Variants in PRIM2 observed in about 807,000 individuals in gnomAD.
The protein encoded by PRIM2 is DNA primase large subunit.
PRIM2 carries 39 observed loss-of-function variants against 67.3 expected under a neutral mutation model. The observed-to-expected ratio is 0.58, with a 90% confidence interval of 0.45 to 0.76. The LOEUF is 0.76. Ranked by LOEUF, PRIM2 falls within the 30% of genes least tolerant of loss-of-function variation. The pLI is 0.00. For missense variants in PRIM2, 398 were observed against 598.7 expected (o/e 0.66, Z 3.50); for synonymous variants, 143 against 198.7 (o/e 0.72, Z 2.36).
At chr6:57,645,583 G>C (rs1340935828) in intron 13 of PRIM2, among the ~76,000 whole-genome samples, 4 of 150,904 alleles carry the variant, frequency 2.7e-5, no homozygotes, top group African/African-American at 4.9e-5. Context: ...AGCAAAGGAT[G>C]GGGAGAGGGG....
the PRIM2 span, among the ~76,000 whole-genome samples, chr6:57,269,555 A>G: frequency 1.3e-5 from 2 of 152,166 alleles, no homozygotes; most frequent in Admixed American, 6.5e-5. Flanking sequence ...AGTAGATTGC[A>G]AAAATTTTCT....
the PRIM2 span, among the ~76,000 whole-genome samples, chr6:57,264,362 G>A: frequency 9.7e-4 from 147 of 152,090 alleles, 3 homozygotes; most frequent in Middle Eastern, 3.4e-3. Flanking sequence ...GGTTGTCGTC[G>A]GGGGAGTGGT....
the PRIM2 span, among the ~76,000 whole-genome samples, chr6:57,308,322 C>T: frequency 6.6e-6 from 1 of 151,962 alleles, no homozygotes; most frequent in Non-Finnish European, 1.5e-5. Context: ...AGGGTTTCAC[C>T]GTGTTGCTCA....
intron 7 of PRIM2, among the ~76,000 whole-genome samples, chr6:57,432,960 C>G (rs1484081644): frequency 6.6e-6 from 1 of 152,200 alleles, no homozygotes; most frequent in East Asian, 1.9e-4. Context: ...TTTCTAAATT[C>G]TACCATTAGT....
chr6:57,611,551 A>G (rs1319809437), intron 12 of PRIM2, among the ~76,000 whole-genome samples: 1 of 152,200 alleles, frequency 6.6e-6, no homozygotes, highest in Non-Finnish European at 1.5e-5. Context: ...GAACAAGTCC[A>G]GAGTTCTAGA....
chr6:57,339,104 A>C (rs966313880), intron 5 of PRIM2, among the ~76,000 whole-genome samples: 1 of 151,916 alleles, frequency 6.6e-6, no homozygotes, highest in African/African-American at 2.4e-5. Context: ...TCCCATTCAC[A>C]ATTGCTTCAA....
intron 8 of PRIM2, among the ~76,000 whole-genome samples, chr6:57,518,788 T>C: frequency 6.6e-6 from 1 of 152,330 alleles, no homozygotes; most frequent in Non-Finnish European, 1.5e-5. Context: ...ATAGGACTCT[T>C]CTTTATGCAA....
At chr6:57,324,944 T>C (rs1303744225) in intron 4 of PRIM2, among the ~76,000 whole-genome samples, 1 of 152,186 alleles carries the variant, frequency 6.6e-6, no homozygotes, top group Non-Finnish European at 1.5e-5. Context: ...AAAGCATATG[T>C]AGTTTGTGAA....
At chr6:57,638,501 G>T (rs1270253472) in intron 13 of PRIM2, among the ~76,000 whole-genome samples, 13 of 138,230 alleles carry the variant, frequency 9.4e-5, no homozygotes, top group African/African-American at 3.0e-4. Context: ...GTATTCAGGA[G>T]ACCATTTCAC....
intron 7 of PRIM2, among the ~76,000 whole-genome samples, chr6:57,451,011 T>C (rs1772525559): frequency 6.6e-6 from 1 of 152,214 alleles, no homozygotes; most frequent in Non-Finnish European, 1.5e-5. Context: ...GCCTTATTTC[T>C]CTATTTTCCT....
chr6:57,576,177 C>T (rs1292666270), intron 10 of PRIM2, among the ~76,000 whole-genome samples: 9 of 152,158 alleles, frequency 5.9e-5, no homozygotes, highest in African/African-American at 1.9e-4. Context: ...TGATAATATA[C>T]TGTTGATATT....
chr6:57,549,079 A>G (rs1377773096), intron 10 of PRIM2, among the ~76,000 whole-genome samples: 12 of 152,318 alleles, frequency 7.9e-5, no homozygotes, highest in African/African-American at 2.9e-4. Flanking sequence ...TTTACTAATG[A>G]AAAAACAGTA....
chr6:57,303,836 T>C, the PRIM2 span, among the ~76,000 whole-genome samples: 2 of 152,190 alleles, frequency 1.3e-5, no homozygotes, highest in Non-Finnish European at 2.9e-5. Flanking sequence ...GGTTTCACCA[T>C]GGTGGCCAGG....
rs1774275606 is a variant in PRIM2, at chr6:57,507,552, C to T, written c.761+98C>T. On this transcript the variant is annotated intron_variant, in intron 8 of 13. Coordinates refer to ENST00000615550, the MANE Select transcript of PRIM2 (RefSeq NM_000947.5). ...GTGAAACCCCTTCAATTACTAAAAA[C>T]TTATTTTTTTTTTCTTGCTTTCATT... 4.5e-6 allele frequency: 6 copies of T among 1,340,550 alleles called. No individual in the cohort carries two copies. In the African/African-American group the frequency reaches 6.0e-5, roughly 13 times the overall value. The allele number at this position is 1,340,550 out of a possible 1,614,324, so 83.0% of individuals were successfully genotyped here. A position where few individuals can be genotyped will look rare whatever the true frequency, so the allele number is the denominator to read the frequency against.
the PRIM2 span, among the ~76,000 whole-genome samples, chr6:57,236,802 A>T: frequency 1.3e-5 from 2 of 152,046 alleles, no homozygotes; most frequent in African/African-American, 2.4e-5. Context: ...CATTTTCTTA[A>T]TCCAGTCTAT....
intron 10 of PRIM2, among the ~76,000 whole-genome samples, chr6:57,579,895 T>A (rs1207257179): frequency 1.2e-4 from 19 of 152,238 alleles, no homozygotes; most frequent in Admixed American, 9.8e-4. Context: ...AGTATTAAAA[T>A]GGACAAAGTT....
chr6:57,293,898 T>C, the PRIM2 span, among the ~76,000 whole-genome samples: 1 of 152,028 alleles, frequency 6.6e-6, no homozygotes, highest in Non-Finnish European at 1.5e-5. Context: ...CAAACCAACA[T>C]GGCACATGTA....
intron 7 of PRIM2, among the ~76,000 whole-genome samples, chr6:57,483,999 G>T (rs1773687862): frequency 6.6e-6 from 1 of 152,122 alleles, no homozygotes; most frequent in African/African-American, 2.4e-5. Flanking sequence ...AAATGATTAC[G>T]ATATTAAATA....
intron 7 of PRIM2, among the ~76,000 whole-genome samples, chr6:57,481,309 ATTTTGTCACTC>A (rs1773622555): frequency 6.6e-6 from 1 of 152,006 alleles, no homozygotes; most frequent in Non-Finnish European, 1.5e-5. Context: ...TTTTCCATAA[ATTTTGTCACTC>A]CAGAAATGTT....
Sources: allele counts gnomAD v4.1 joint callset (sites outside exome capture counted in the v4.1 genomes callset), GRCh38; gene constraint gnomAD v4.1.1; transcripts MANE v1.5; gene names NCBI Gene and HGNC (gene_info 2026-07-23, HGNC 2026-07-21).